The following FANCD2 variants were observed in gnomAD, a reference collection of about 807,000 sequenced individuals.
FANCD2 encodes FA complementation group D2.
FANCD2 carries 131 observed loss-of-function variants against 192.3 expected under a neutral mutation model. The ratio of observed to expected loss-of-function variants is 0.68; its 90% confidence interval spans 0.59 to 0.79. FANCD2 has a LOEUF of 0.79. FANCD2 is among the 30% of genes least tolerant of loss of function. The pLI is 0.00. For missense variants in FANCD2, 1,508 were observed against 1,701.6 expected, an observed-to-expected ratio of 0.89 and a Z score of 2.00; for synonymous variants, 524 against 612.5, an observed-to-expected ratio of 0.86 and a Z score of 2.13.
chr3:10,044,543 C>T (rs2086948810), intron 14 of FANCD2, among the ~76,000 whole-genome samples: 1 of 152,098 alleles, frequency 6.6e-6, no homozygotes, highest in Middle Eastern at 3.4e-3. Context: ...TGGTGGCACA[C>T]GCCACTGCAC....
intron 2 of FANCD2, 121 bp downstream of exon 2, chr3:10,028,842 G>C: frequency 1.1e-6 from 1 of 879,376 alleles, no homozygotes; most frequent in Non-Finnish European, 1.9e-6. Flanking sequence ...GGAGTGCACA[G>C]AATTAAGGGA....
In FANCD2 at chr3:10,060,237, A is replaced by C. The variant is rs1392683206; in HGVS notation, c.1657-57A>C. On this transcript the variant is annotated intron_variant, in intron 18 of 43. Coordinates refer to ENST00000675286, the MANE Select transcript of FANCD2 (RefSeq NM_001018115.3). The stretch of plus-strand genomic sequence containing the variant: ...TCTAGCTATATGGCTCGATATCCAT[A>C]CCTTCTTTTGCTGTGCCATTCCAGC... The C allele has an allele frequency of 2.4e-6, 3 of 1,224,686 alleles. No individual in the cohort carries two copies. In the African/African-American group the frequency reaches 4.5e-5, roughly 18 times the overall value. The allele number at this position is 1,224,686 out of a possible 1,614,324, so 75.9% of individuals were successfully genotyped here. A position where few individuals can be genotyped will look rare whatever the true frequency, so the allele number is the denominator to read the frequency against.
In FANCD2 at chr3:10,065,867, G is replaced by C. The variant is rs540805431; in HGVS notation, c.2273G>C (p.Cys758Ser). ...GGAAATGTTTGTTCTCTCTCAGATTGTCCTATATTCCTAACTGACCTGGAG... is the reference window on the plus strand; with the variant it reads ...GGAAATGTTTGTTCTCTCTCAGATTCTCCTATATTCCTAACTGACCTGGAG... ...NLEEIDGLLD[C>S]PIFLTDLEPG... Residue 758 changes from cysteine (C) to serine (S), a missense_variant, in exon 25 of 44, where the codon TGT becomes TCT. By Grantham distance (112) the Cys-to-Ser change is moderately radical. This residue lies in a region of FANCD2 where 796 missense variants were observed against 879.4 expected (regional missense o/e 0.91). Transcript: ENST00000675286. 2.0e-4 allele frequency: 325 copies of C among 1,598,698 alleles called. 1 individual carries two copies. In the Admixed American group the frequency reaches 3.0e-3, roughly 15 times the overall value.
intron 30 of FANCD2, among the ~76,000 whole-genome samples, chr3:10,079,563 C>T (rs1389737047): frequency 2.6e-5 from 4 of 151,952 alleles, no homozygotes; most frequent in Admixed American, 2.6e-4. Context: ...CTCGGCCTCC[C>T]AATCCGCCCA....
rs138960268 is a variant in FANCD2, at chr3:10,041,055, G to A, written c.696-568G>A. On this transcript the variant is annotated intron_variant, in intron 9 of 43. Coordinates refer to ENST00000675286, the MANE Select transcript of FANCD2 (RefSeq NM_001018115.3). ...AAAAACATACAAAAATTAGGTGGGCGTGGTGGTACGCACTTATAATTCTAG... is the reference window on the plus strand; with the variant it reads ...AAAAACATACAAAAATTAGGTGGGCATGGTGGTACGCACTTATAATTCTAG... The A allele has an allele frequency of 2.7e-4, 45 of 167,578 alleles. No individual in the cohort carries two copies. In the East Asian group the frequency reaches 6.7e-3, roughly 25 times the overall value. The allele number at this position is 167,578 out of a possible 1,614,324, so 10.4% of individuals were successfully genotyped here.
rs1481131790 is a variant in FANCD2, at chr3:10,034,705, A to C, written c.284A>C (p.Glu95Ala). Reference sequence around the variant, plus strand: ...TTAAATCTCCTTAAGATAATAGAAGAATTTGTTAGTGGCCTGGAGTCTTAC... The same window carrying C: ...TTAAATCTCCTTAAGATAATAGAAGCATTTGTTAGTGGCCTGGAGTCTTAC... ...RHPSYPKIIEEFVSGLESYIE... is the reference protein window; with the variant it reads ...RHPSYPKIIEAFVSGLESYIE... The change falls in exon 5 of 44, where the codon GAA (glutamate) becomes GCA (alanine). Residue 95 changes from glutamate to alanine, a missense_variant. Glu to Ala is a moderately radical substitution (Grantham distance 107, BLOSUM62 -1). Around this residue, in one of 5 missense-constraint regions of FANCD2, gnomAD observed 435 missense variants for 421.9 expected, o/e 1.03. Coordinates refer to ENST00000675286, the MANE Select transcript of FANCD2 (RefSeq NM_001018115.3). 6.4e-7 allele frequency: 1 copy of C among 1,562,802 alleles called. No individual in the cohort carries two copies. The highest frequency in any genetic ancestry group is 1.9e-5 in the Admixed American group (1 of 52,966).
intron 36 of FANCD2, 53 bp from the exon 37 acceptor site, chr3:10,090,239 A>C (rs1694504576): frequency 7.6e-7 from 1 of 1,316,366 alleles, no homozygotes; most frequent in East Asian, 2.3e-5. Context: ...CTTCCCAGGT[A>C]GTTCTAAGCA....
intron 30 of FANCD2, among the ~76,000 whole-genome samples, chr3:10,079,126 C>T (rs973130652): frequency 1.3e-5 from 2 of 151,488 alleles, no homozygotes; most frequent in African/African-American, 2.4e-5. Context: ...TGCTTGTAGT[C>T]CCAGGTACTT....
At chr3:10,097,529 C>T (rs569889859) in intron 42 of FANCD2, among the ~76,000 whole-genome samples, 5 of 152,306 alleles carry the variant, frequency 3.3e-5, no homozygotes, top group East Asian at 1.9e-4. Context: ...GGTTCTGTTC[C>T]GCCCGGCTCA....
chr3:10,057,295 T>C (rs1200248783), intron 18 of FANCD2, among the ~76,000 whole-genome samples: 1 of 152,242 alleles, frequency 6.6e-6, no homozygotes, highest in African/African-American at 2.4e-5. Context: ...CTTGATAGTG[T>C]CCTTTGATGC....
intron 9 of FANCD2, 107 bp downstream of exon 9, chr3:10,039,952 G>T (rs1211184202): frequency 7.6e-7 from 1 of 1,310,922 alleles, no homozygotes; most frequent in Non-Finnish European, 1.1e-6. Context: ...CTAAAAAGAG[G>T]ATGATACCCC....
At position 10,064,414 on chromosome 3, in the gene FANCD2, G is replaced by A. The variant is rs760963969; in HGVS notation, c.2006G>A (p.Cys669Tyr). Residue 669 changes from cysteine to tyrosine, a missense_variant, in exon 22 of 44, where the codon TGT (cysteine) becomes TAT (tyrosine). Physicochemically the swap from Cys to Tyr is radical, Grantham distance 194. Around this residue, in one of 5 missense-constraint regions of FANCD2, gnomAD observed 59 missense variants for 111.9 expected, o/e 0.53. Transcript: ENST00000675286. ...CAGGATGCCTTCGTAGTGGACTCCT[G>A]TGTTGTTCCGGAAGGGTAGGTATTG... ...DFQDAFVVDS[C>Y]VVPEGDFPFP... 6.2e-7 allele frequency: 1 copy of A among 1,613,754 alleles called. No individual in the cohort carries two copies. Among genetic ancestry groups the A allele is most frequent in the Non-Finnish European group, 8.5e-7 (1 of 1,179,658 alleles).
intron 37 of FANCD2, among the ~76,000 whole-genome samples, chr3:10,091,640 G>A (rs1694616212): frequency 6.6e-6 from 1 of 151,714 alleles, no homozygotes; most frequent in African/African-American, 2.4e-5. Context: ...GGCAAACTGG[G>A]CAGTAGCCAA....
chr3:10,066,220 A>G (rs1201492285), intron 25 of FANCD2, among the ~76,000 whole-genome samples: 2 of 152,236 alleles, frequency 1.3e-5, no homozygotes, highest in Non-Finnish European at 2.9e-5. Flanking sequence ...TCTCCCTAGA[A>G]TGACCTTCTC....
Position 10,043,477 on chromosome 3 carries a change from C to T in FANCD2, c.990-7C>T, listed in dbSNP as rs2124993232. 1 of 1,609,974 alleles carries T rather than the reference C, an allele frequency of 6.2e-7. No homozygotes were observed. The highest frequency in any genetic ancestry group is 8.5e-7 in the Non-Finnish European group (1 of 1,176,268). On this transcript the variant is annotated splice_region_variant and splice_polypyrimidine_tract_variant and intron_variant, in intron 12 of 43. Transcript: ENST00000675286. ...AGAGTAATTTTTTTCCTCTCTGCTA[C>T]TTGTAGTTCCTCAGGAAATCAAGAA...
chr3:10,069,860 T>C (rs1428423531), intron 26 of FANCD2, among the ~76,000 whole-genome samples: 12 of 152,056 alleles, frequency 7.9e-5, no homozygotes, highest in African/African-American at 2.9e-4. Flanking sequence ...AGTGCCGAGA[T>C]TGCAGCCTCT....
intron 10 of FANCD2, 54 bp downstream of exon 10, chr3:10,041,764 C>T: frequency 8.2e-7 from 1 of 1,222,432 alleles, no homozygotes; most frequent in Admixed American, 1.7e-5. Flanking sequence ...CCTCCCAGAA[C>T]AAGTGTCAGT....
chr3:10,091,087 T>C (rs1012266660), intron 37 of FANCD2, among the ~76,000 whole-genome samples: 86 of 151,548 alleles, frequency 5.7e-4, no homozygotes, highest in African/African-American at 2.0e-3. Context: ...TTTTTCTTTT[T>C]TTTTTCTTTT....
Position 10,049,455 on chromosome 3 carries a change from T to C in FANCD2, c.1495T>C (p.Leu499=), listed in dbSNP as rs766259987. 21 of 1,604,162 alleles carry C rather than the reference T, an allele frequency of 1.3e-5. No homozygotes were observed. Among genetic ancestry groups the C allele is most frequent in the Non-Finnish European group, 7.7e-6 (9 of 1,172,584 alleles). ...VDTALDVLLE[L]VVLNPSAMMM... ...TACTGCCTTAGATGTCCTTCTAGAG[T>C]TGGTAGTGTTAAACCCATCTGCTAT... The change falls in exon 17 of 44, where the codon TTG becomes CTG. Residue 499 remains leucine (L), a synonymous_variant. Coordinates refer to ENST00000675286, the MANE Select transcript of FANCD2 (RefSeq NM_001018115.3).
Sources: gnomAD v4.1 joint callset for allele counts (sites outside exome capture counted in the v4.1 genomes callset) on GRCh38, gnomAD v4.1.1 for gene constraint, gnomAD v4.1.1 regional missense constraint, MANE v1.5 for transcripts, NCBI Gene and HGNC (gene_info 2026-07-23, HGNC 2026-07-21) for gene names.